The following SPECC1 variants were observed in gnomAD, a reference collection of about 807,000 sequenced individuals.
SPECC1 encodes cytospin-B.
A neutral mutation model predicts 104.1 loss-of-function variants in SPECC1; 62 were observed. The ratio of observed to expected loss-of-function variants is 0.60; its 90% CI spans 0.49 to 0.74. The LOEUF is 0.74. Among genes scored for constraint, SPECC1 ranks in the 30% least tolerant of loss-of-function variants. SPECC1 has a pLI of 0.00. For missense variants in SPECC1, 1,306 were observed against 1,310.5 expected, an observed-to-expected ratio of 1.00 and a Z score of 0.05; for synonymous variants, 513 against 501.6, an observed-to-expected ratio of 1.02 and a Z score of -0.30.
chr17:20,243,702 A>G (rs1021612706), intron 7 of SPECC1, among the ~76,000 whole-genome samples: 29 of 152,200 alleles, frequency 1.9e-4, no homozygotes, highest in African/African-American at 6.5e-4. Flanking sequence ...ATCTTTGGAT[A>G]CCTGAAGCCT....
At position 20,299,861 on chromosome 17, in the gene SPECC1, T is replaced by C. The variant is rs376985548; in HGVS notation, c.3057+2784T>C. Reference sequence around the variant, plus strand: ...ATTGCACAGCAAATCCGGAGCTGGATGGGAGAGCAGAGCTTGAAACACAGA... The same window carrying C: ...ATTGCACAGCAAATCCGGAGCTGGACGGGAGAGCAGAGCTTGAAACACAGA... On this transcript the variant is annotated intron_variant, in intron 13 of 14. Transcript: ENST00000395527. 5.3e-5 allele frequency among the ~76,000 whole-genome samples: 8 copies of C among 152,176 alleles called. No individual in the cohort carries two copies. The South Asian group carries it at 1.0e-3, about 20-fold the overall frequency.
At chr17:20,141,159 G>A (rs1409467640) in intron 3 of SPECC1, among the ~76,000 whole-genome samples, 2 of 152,168 alleles carry the variant, frequency 1.3e-5, no homozygotes, top group African/African-American at 2.4e-5. Context: ...TTCAAAAAGC[G>A]TTTCTTGAGC....
chr17:20,155,356 T>A (rs1424908056), intron 3 of SPECC1: 8 of 152,196 alleles, frequency 5.3e-5, no homozygotes, highest in African/African-American at 1.9e-4. Flanking sequence ...ATAGAACCAG[T>A]CATACCACTA....
intron 3 of SPECC1, 118 bp downstream of exon 3, chr17:20,110,680 C>G: frequency 1.6e-6 from 2 of 1,248,642 alleles, no homozygotes; most frequent in Non-Finnish European, 2.1e-6. Flanking sequence ...GACCACTTAC[C>G]CTGGGCCGGA....
chr17:20,315,235 C>T lies in SPECC1; in HGVS notation c.*1170C>T, dbSNP rs1208315515. On this transcript the variant is annotated 3_prime_UTR_variant, in exon 15 of 15. Transcript: ENST00000395527. ...TGGCCTTTAGTGCTTCCCCAGGCCT[C>T]TTTCATCGGCATGGGAAAAGCCCTT... is the stretch of plus-strand genomic sequence containing the variant. 2 of 232,614 alleles carry T rather than the reference C, an allele frequency of 8.6e-6. No individual in the cohort carries two copies. The highest frequency in any genetic ancestry group is 5.6e-5 in the Admixed American group (1 of 17,770). The allele number at this position is 232,614 out of a possible 1,614,324, so 14.4% of individuals were successfully genotyped here. A position where few individuals can be genotyped will look rare whatever the true frequency, so the allele number is the denominator to read the frequency against.
chr17:20,169,551 T>C (rs1597871137), intron 3 of SPECC1, among the ~76,000 whole-genome samples: 1 of 152,028 alleles, frequency 6.6e-6, no homozygotes, highest in Non-Finnish European at 1.5e-5. Flanking sequence ...ACATGAAAGG[T>C]GAATTAACAG....
At position 20,246,001 on chromosome 17, in the gene SPECC1, A is replaced by G; in HGVS notation, c.2427A>G (p.Thr809=). The stretch of plus-strand genomic sequence containing the variant: ...GGCCTGGTGTCTGTGTTAGCAGAAC[A>G]TCTCCAACACCCCCAGAGTCGGCAA... The part of the protein sequence containing the change: ...GRWPGVCVSR[T]SPTPPESATT... The change falls in exon 8 of 15, where the codon ACA becomes ACG. Residue 809 remains threonine, a synonymous_variant. Transcript: ENST00000395527. 6.2e-7 allele frequency: 1 copy of G among 1,614,180 alleles called. No individual in the cohort carries two copies. The highest frequency in any genetic ancestry group is 8.5e-7 in the Non-Finnish European group (1 of 1,180,024).
intron 5 of SPECC1, among the ~76,000 whole-genome samples, chr17:20,231,140 G>C (rs1444571257): frequency 6.6e-6 from 1 of 152,186 alleles, no homozygotes; most frequent in Non-Finnish European, 1.5e-5. Flanking sequence ...CCTTAAGTAG[G>C]GAGAGGCAGG....
intron 2 of SPECC1, among the ~76,000 whole-genome samples, chr17:20,101,017 A>G (rs1019651778): frequency 3.3e-5 from 5 of 152,230 alleles, no homozygotes; most frequent in Non-Finnish European, 7.3e-5. Context: ...ATGGCTGCAT[A>G]GTATTCCATG....
At chr17:20,182,455 G>T (rs2703799) in intron 3 of SPECC1, among the ~76,000 whole-genome samples, 107,731 of 151,958 alleles carry the variant, frequency 0.71, 39,992 homozygotes, top group East Asian at 0.99. Flanking sequence ...AGAGGCCACC[G>T]GACAGAATCG....
At chr17:20,068,547 T>A (rs1462082074) in intron 1 of SPECC1, among the ~76,000 whole-genome samples, 1 of 152,198 alleles carries the variant, frequency 6.6e-6, no homozygotes, top group East Asian at 1.9e-4. Context: ...TGTAACTTTT[T>A]GAGGGACTCC....
intron 12 of SPECC1, among the ~76,000 whole-genome samples, chr17:20,267,679 G>A (rs547747465): frequency 6.6e-6 from 1 of 152,306 alleles, no homozygotes; most frequent in East Asian, 1.9e-4. Context: ...CTGGCTGGCA[G>A]CCAGCAGGAA....
In SPECC1 at chr17:20,179,795, G is replaced by A. The variant is rs77182365; in HGVS notation, c.284-24538G>A. ...ATAATATAAGTAACAGTAGAGAGCA[G>A]TGAATGTTGCAGCAGGAAACATTGC... On this transcript the variant is annotated intron_variant, in intron 3 of 14. Transcript: ENST00000395527. Among the ~76,000 whole-genome samples the A allele has an allele frequency of 7.6e-3, 1,154 of 152,316 alleles. 16 individuals are homozygous for A. The highest frequency in any genetic ancestry group is 0.026 in the African/African-American group (1,098 of 41,558).
rs758372051 is a variant in SPECC1, at chr17:20,232,282, A to G, written c.2228A>G (p.Gln743Arg). The change falls in exon 7 of 15, where the codon CAG becomes CGG. Residue 743 changes from glutamine (Q) to arginine (R), a missense_variant. By Grantham distance (43) the Gln-to-Arg change is conservative. Coordinates refer to ENST00000395527, the MANE Select transcript of SPECC1 (RefSeq NM_001243439.2). ...GCCAATGACATCAAGTGTGAGGCCCAGCAGGAGCTGCGCACCGTGAAGAGG... is the reference window on the plus strand; with the variant it reads ...GCCAATGACATCAAGTGTGAGGCCCGGCAGGAGCTGCGCACCGTGAAGAGG... ...VVANDIKCEAQQELRTVKRKL... is the reference protein window; with the variant it reads ...VVANDIKCEARQELRTVKRKL... 4.3e-6 allele frequency: 7 copies of G among 1,614,096 alleles called. No homozygotes were observed. The highest frequency in any genetic ancestry group is 1.3e-5 in the African/African-American group (1 of 74,944).
chr17:20,156,317 C>T, intron 3 of SPECC1: 1 of 1,291,738 alleles, frequency 7.7e-7, no homozygotes, highest in Non-Finnish European at 9.9e-7. Context: ...GCCTCCGGCT[C>T]GCGGCGCCGA....
At chr17:20,064,531 G>A (rs2046297865) in intron 1 of SPECC1, among the ~76,000 whole-genome samples, 2 of 152,164 alleles carry the variant, frequency 1.3e-5, no homozygotes, top group Non-Finnish European at 2.9e-5. Flanking sequence ...TAGAAGCAGA[G>A]GGTGTTTAGT....
At chr17:20,228,444 G>T (rs1378230766) in intron 5 of SPECC1, among the ~76,000 whole-genome samples, 1 of 152,182 alleles carries the variant, frequency 6.6e-6, no homozygotes, top group Non-Finnish European at 1.5e-5. Context: ...AAGGCCACAT[G>T]TTAGGATACT....
At chr17:20,293,894 G>A (rs569481474) in intron 12 of SPECC1, among the ~76,000 whole-genome samples, 7 of 152,318 alleles carry the variant, frequency 4.6e-5, no homozygotes, top group African/African-American at 1.4e-4. Context: ...TCTAAGAGGT[G>A]GGGATGCACT....
rs149261757 is a variant in SPECC1 at position 20,015,686 on chromosome 17, G to T, written c.-22+6262G>T. Among the ~76,000 whole-genome samples the T allele has an allele frequency of 6.5e-3, 960 of 147,122 alleles. 12 individuals carry two copies. Among genetic ancestry groups the T allele is most frequent in the African/African-American group, 0.023 (915 of 39,714 alleles). On this transcript the variant is annotated intron_variant, in intron 1 of 14. Transcript: ENST00000395527. ...TGCAAGCTCTGCCTCCCAGGTTCAC[G>T]CCATTCTCCTGCCTCAGCCTCCCCA...
Sources: allele counts gnomAD v4.1 joint callset (sites outside exome capture counted in the v4.1 genomes callset), GRCh38; gene constraint gnomAD v4.1.1; transcripts MANE v1.5; gene names NCBI Gene and HGNC (gene_info 2026-07-23, HGNC 2026-07-21).